The following GALNT17 variants were observed in gnomAD, a reference collection of about 807,000 sequenced individuals.
GALNT17 encodes polypeptide N-acetylgalactosaminyltransferase 17.
Under a neutral mutation model 63.7 loss-of-function variants are expected in GALNT17, and 29 were observed. The ratio of observed to expected loss-of-function variants is 0.46; its 90% CI spans 0.34 to 0.62. The LOEUF is 0.62. Among genes scored for constraint, GALNT17 ranks in the 20% least tolerant of loss-of-function variants. GALNT17 has a pLI of 0.01. For synonymous variants in GALNT17, 305 were observed against 318.3 expected (o/e 0.96, Z 0.45); for missense variants, 603 against 799.6 (o/e 0.75, Z 2.97).
intron 1 of GALNT17, among the ~76,000 whole-genome samples, chr7:71,245,848 GT>G (rs542136452): frequency 1.1e-3 from 137 of 122,832 alleles, no homozygotes; most frequent in Middle Eastern, 4.0e-3. Flanking sequence ...AAGAGAGCAG[GT>G]TTTTTTTTTT....
Position 71,323,924 on chromosome 7 carries a change from A to G in GALNT17, c.239-11626A>G, listed in dbSNP as rs995711918. On this transcript the variant is annotated intron_variant, in intron 1 of 10. Transcript: ENST00000333538. ...GGGCACATAGACTATGATATCAGAA[A>G]TGTTGTGGTTGAGATTTTCACCAGC... 1.2e-4 allele frequency among the ~76,000 whole-genome samples: 19 copies of G among 152,314 alleles called. No individual in the cohort carries two copies. In the East Asian group the frequency reaches 2.5e-3, roughly 20 times the overall value.
chr7:71,254,632 A>C (rs1040348406), intron 1 of GALNT17, among the ~76,000 whole-genome samples: 15 of 152,032 alleles, frequency 9.9e-5, no homozygotes, highest in Admixed American at 2.0e-4. Flanking sequence ...CCTAATTCCC[A>C]TCATGGTCTC....
At chr7:71,199,284 T>A (rs1260390065) in intron 1 of GALNT17, among the ~76,000 whole-genome samples, 1 of 152,192 alleles carries the variant, frequency 6.6e-6, no homozygotes, top group Non-Finnish European at 1.5e-5. Context: ...GATCTTTGGT[T>A]TGCTTTCCTG....
chr7:71,630,285 A>G (rs1790436591), intron 6 of GALNT17, among the ~76,000 whole-genome samples: 3 of 152,232 alleles, frequency 2.0e-5, no homozygotes, highest in Admixed American at 2.0e-4. Context: ...AAGGACCATT[A>G]AGGCTCAAGA....
In GALNT17 at chr7:71,693,273, C is replaced by CAT. The variant is rs1190612123; in HGVS notation, c.1500+15968_1500+15969insTA. Among the ~76,000 whole-genome samples, 51 of 112,252 alleles carry CAT rather than the reference C, an allele frequency of 4.5e-4. 2 individuals are homozygous for CAT. The highest frequency in any genetic ancestry group is 1.9e-3 in the African/African-American group (49 of 25,260). The allele number at this position is 112,252 out of a possible 152,430, so 73.6% of individuals were successfully genotyped here. ...ATACACACACACACATACACACACA[C>CAT]ACACACACACACACACACACACACA... On this transcript the variant is annotated intron_variant, in intron 9 of 10. Transcript: ENST00000333538.
At chr7:71,139,910 C>T (rs1160109683) in intron 1 of GALNT17, among the ~76,000 whole-genome samples, 1 of 152,152 alleles carries the variant, frequency 6.6e-6, no homozygotes, top group Non-Finnish European at 1.5e-5. Flanking sequence ...AGATAATTTG[C>T]TTGAACCTGG....
Position 71,154,154 on chromosome 7 carries a change from G to A in GALNT17, c.238+21114G>A, listed in dbSNP as rs567071035. 2.6e-5 allele frequency among the ~76,000 whole-genome samples: 4 copies of A among 152,168 alleles called. No individual in the cohort carries two copies. In the South Asian group the frequency reaches 8.3e-4, roughly 32 times the overall value. On this transcript the variant is annotated intron_variant, in intron 1 of 10. Coordinates refer to ENST00000333538, the MANE Select transcript of GALNT17 (RefSeq NM_022479.3). Reference sequence around the variant, plus strand: ...GTGCTCTTCAGGGACATGGATCTTTGAAGCCGTGTGCCACCATACCGGCTT... The same window carrying A: ...GTGCTCTTCAGGGACATGGATCTTTAAAGCCGTGTGCCACCATACCGGCTT...
chr7:71,297,096 A>T (rs533472629), intron 1 of GALNT17, among the ~76,000 whole-genome samples: 49 of 152,218 alleles, frequency 3.2e-4, no homozygotes, highest in Non-Finnish European at 6.2e-4. Context: ...CTCTTCCATC[A>T]CTTTCGCCAG....
rs528701248 is a variant in GALNT17, at chr7:71,315,344, A to G, written c.239-20206A>G. 6.6e-4 allele frequency among the ~76,000 whole-genome samples: 101 copies of G among 152,278 alleles called. 1 individual carries two copies. In the South Asian group the frequency reaches 0.019, roughly 28 times the overall value. ...AGGCTGCTGTGAATCACTTGTGTAC[A>G]GGTTTTTGTGTGGACATGTTTTCAT... On this transcript the variant is annotated intron_variant, in intron 1 of 10. Transcript: ENST00000333538.
intron 1 of GALNT17, among the ~76,000 whole-genome samples, chr7:71,316,642 A>G (rs149884118): frequency 2.7e-3 from 406 of 152,198 alleles, no homozygotes; most frequent in African/African-American, 9.0e-3. Flanking sequence ...GGCTGATGGT[A>G]CCACCCATAC....
At chr7:71,594,576 C>T (rs1445176315) in intron 6 of GALNT17, among the ~76,000 whole-genome samples, 2 of 152,100 alleles carry the variant, frequency 1.3e-5, no homozygotes, top group Non-Finnish European at 2.9e-5. Context: ...AGGGATTAGC[C>T]ACTGTGCCCA....
chr7:71,496,042 G>A lies in GALNT17; in HGVS notation c.962+74937G>A, dbSNP rs367947944. Reference sequence around the variant, plus strand: ...GCCAGAAGGCATGGGAACACCATCTGTGGGGGCTCCAGCAGGAAGAGAAAG... The same window carrying A: ...GCCAGAAGGCATGGGAACACCATCTATGGGGGCTCCAGCAGGAAGAGAAAG... On this transcript the variant is annotated intron_variant, in intron 5 of 10. Coordinates refer to ENST00000333538, the MANE Select transcript of GALNT17 (RefSeq NM_022479.3). Among the ~76,000 whole-genome samples the A allele has an allele frequency of 3.7e-4, 56 of 152,366 alleles. 5 individuals carry two copies. Among genetic ancestry groups the A allele is most frequent in the South Asian group, 3.1e-3 (15 of 4,830 alleles).
chr7:71,296,603 G>A (rs1374806537), intron 1 of GALNT17, among the ~76,000 whole-genome samples: 3 of 147,698 alleles, frequency 2.0e-5, no homozygotes, highest in African/African-American at 7.5e-5. Context: ...GCAACAGAGC[G>A]AGACTCCATC....
chr7:71,253,537 G>A (rs958699258), intron 1 of GALNT17, among the ~76,000 whole-genome samples: 7 of 139,426 alleles, frequency 5.0e-5, no homozygotes, highest in South Asian at 2.3e-4. Context: ...TTTTTCCTTC[G>A]TCTCTTCCTT....
chr7:71,297,172 A>C (rs1412758727), intron 1 of GALNT17, among the ~76,000 whole-genome samples: 11 of 152,196 alleles, frequency 7.2e-5, no homozygotes, highest in Non-Finnish European at 5.9e-5. Flanking sequence ...CACTCTTGGC[A>C]CATGGTACTG....
At chr7:71,679,920 CCCTTCCT>C (rs200406991) in intron 9 of GALNT17, among the ~76,000 whole-genome samples, 3 of 34,136 alleles carry the variant, frequency 8.8e-5, no homozygotes, top group African/African-American at 4.0e-4. Context: ...CTCCTTCTCT[CCCTTCCT>C]CCTCCCTCTC....
rs1045386616 is a variant in GALNT17, at chr7:71,139,754, A to C, written c.238+6714A>C. 1.6e-4 allele frequency among the ~76,000 whole-genome samples: 24 copies of C among 152,134 alleles called. 1 individual carries two copies. The highest frequency in any genetic ancestry group is 2.9e-5 in the Non-Finnish European group (2 of 68,034). On this transcript the variant is annotated intron_variant, in intron 1 of 10. Transcript: ENST00000333538. ...AAGCCTGTAATCCCAGCACTTTGGG[A>C]GGCCGTGGTGGGCAGATCACTTGAG...
intron 5 of GALNT17, among the ~76,000 whole-genome samples, chr7:71,553,814 C>T (rs546558014): frequency 9.8e-5 from 15 of 152,296 alleles, no homozygotes; most frequent in African/African-American, 3.6e-4. Flanking sequence ...ACAATTGCTC[C>T]ATTAAATCAA....
intron 9 of GALNT17, among the ~76,000 whole-genome samples, chr7:71,698,376 C>A (rs967374771): frequency 6.6e-6 from 1 of 152,038 alleles, no homozygotes; most frequent in Non-Finnish European, 1.5e-5. Context: ...TCTATGCAAA[C>A]ATTTATTGCA....
Sources: allele counts gnomAD v4.1 joint callset (sites outside exome capture counted in the v4.1 genomes callset), GRCh38; gene constraint gnomAD v4.1.1; transcripts MANE v1.5; gene names NCBI Gene and HGNC (gene_info 2026-07-23, HGNC 2026-07-21).